LAMA2: variants seen among roughly 807,000 people sequenced by gnomAD.
The protein encoded by LAMA2 is laminin subunit alpha 2, also known as laminin subunit alpha-2.
LAMA2 carries 269 observed loss-of-function variants against 364.8 expected under a neutral mutation model. The ratio of observed to expected loss-of-function variants is 0.74; its 90% CI spans 0.67 to 0.82. The LOEUF (loss-of-function observed/expected upper bound fraction) is 0.82. Among genes scored for constraint, LAMA2 ranks in the 40% least tolerant of loss-of-function variants. The pLI is 0.00. For synonymous variants in LAMA2, 1,379 were observed against 1,370.6 expected, an observed-to-expected ratio of 1.01 and a Z score of -0.14; for missense variants, 3,807 against 3,873.2, an observed-to-expected ratio of 0.98 and a Z score of 0.45.
intron 58 of LAMA2, among the ~76,000 whole-genome samples, chr6:129,500,834 T>G (rs1785574557): frequency 1.3e-5 from 2 of 152,098 alleles, no homozygotes; most frequent in Non-Finnish European, 2.9e-5. Context: ...CCTTGAAAAT[T>G]TTTTAAATTT....
chr6:129,106,873 A>AT (rs200900181), intron 4 of LAMA2, among the ~76,000 whole-genome samples: 11,684 of 132,032 alleles, frequency 0.088, 569 homozygotes, highest in Middle Eastern at 0.16. Context: ...AAAAAAAAAA[A>AT]AAATATATAT....
At chr6:129,225,893 A>G (rs868480537) in intron 12 of LAMA2, among the ~76,000 whole-genome samples, 11 of 151,980 alleles carry the variant, frequency 7.2e-5, no homozygotes, top group Middle Eastern at 3.4e-3. Flanking sequence ...TATCCTTGTT[A>G]CCTTTCTGTC....
At chr6:128,955,217 G>A (rs1781068878) in intron 1 of LAMA2, among the ~76,000 whole-genome samples, 1 of 151,882 alleles carries the variant, frequency 6.6e-6, no homozygotes, top group Non-Finnish European at 1.5e-5. Flanking sequence ...TATGTGGATA[G>A]GGCATTTATT....
intron 41 of LAMA2, among the ~76,000 whole-genome samples, chr6:129,436,130 A>G (rs1036233387): frequency 1.3e-5 from 2 of 152,342 alleles, no homozygotes; most frequent in Non-Finnish European, 2.9e-5. Flanking sequence ...AAACAGAAAT[A>G]TATGCACACA....
intron 12 of LAMA2, among the ~76,000 whole-genome samples, chr6:129,220,857 A>G (rs1363911518): frequency 6.6e-6 from 1 of 152,124 alleles, no homozygotes; most frequent in East Asian, 1.9e-4. Flanking sequence ...AACTATTATT[A>G]CTAAGTATTA....
intron 51 of LAMA2, 139 bp downstream of exon 51, chr6:129,465,428 T>C: frequency 1.3e-6 from 1 of 746,218 alleles, no homozygotes; most frequent in East Asian, 2.7e-5. Context: ...GTCATTTTTT[T>C]GGCTTAGATT....
At position 129,393,312 on chromosome 6, in the gene LAMA2, G is replaced by A. The variant is rs1171349965; in HGVS notation, c.5445+57G>A. ...CAGAAGGTTGGGGACTGCGGGGGCA[G>A]TGTTGAACATGGCTGGACTATTCAA... is the stretch of plus-strand genomic sequence containing the variant. On this transcript the variant is annotated intron_variant, in intron 37 of 64. Transcript: ENST00000421865. 4 of 1,289,666 alleles carry A rather than the reference G, an allele frequency of 3.1e-6. No individual in the cohort carries two copies. In the African/African-American group the frequency reaches 4.4e-5, roughly 14 times the overall value. 79.9% of individuals were successfully genotyped at this position (1,289,666 alleles called of 1,614,324 possible). A position where few individuals can be genotyped will look rare whatever the true frequency, so the allele number is the denominator to read the frequency against.
chr6:128,953,414 C>T (rs1270154256), intron 1 of LAMA2, among the ~76,000 whole-genome samples: 1 of 152,078 alleles, frequency 6.6e-6, no homozygotes, highest in African/African-American at 2.4e-5. Context: ...GGAAGAAAAA[C>T]ATAGTTTGTA....
chr6:129,478,167 C>CTT (rs1784170295), intron 53 of LAMA2, among the ~76,000 whole-genome samples: 1 of 152,064 alleles, frequency 6.6e-6, no homozygotes, highest in South Asian at 2.1e-4. Flanking sequence ...CTTTGTTTTA[C>CTT]TTAAAAGCCT....
At chr6:129,026,183 C>A (rs1785798590) in intron 1 of LAMA2, among the ~76,000 whole-genome samples, 1 of 151,996 alleles carries the variant, frequency 6.6e-6, no homozygotes, top group Admixed American at 6.6e-5. Flanking sequence ...AAATTAAAAT[C>A]ATGATATCAA....
intron 12 of LAMA2, among the ~76,000 whole-genome samples, chr6:129,225,575 C>A (rs1383690167): frequency 6.6e-6 from 1 of 152,118 alleles, no homozygotes; most frequent in Non-Finnish European, 1.5e-5. Flanking sequence ...TTATTCCAGC[C>A]TTCATTTCGT....
At chr6:129,507,361 G>T in intron 61 of LAMA2, 128 bp from the exon 62 acceptor site, 1 of 957,664 alleles carries the variant, frequency 1.0e-6, no homozygotes, top group Non-Finnish European at 1.7e-6. Context: ...AGGCAGCTTT[G>T]GGGGATATCC....
At chr6:129,045,410 GC>G (rs1322784608) in intron 1 of LAMA2, among the ~76,000 whole-genome samples, 1 of 152,086 alleles carries the variant, frequency 6.6e-6, no homozygotes, top group Admixed American at 6.6e-5. Flanking sequence ...TCTACTTTAG[GC>G]CCTGACAAGA....
At chr6:129,077,215 A>C (rs1184865629) in intron 3 of LAMA2, among the ~76,000 whole-genome samples, 3 of 152,168 alleles carry the variant, frequency 2.0e-5, no homozygotes, top group African/African-American at 4.8e-5. Context: ...AATTCATCTC[A>C]AATGATAAGA....
At chr6:129,484,700 CA>C (rs1230917615) in intron 55 of LAMA2, among the ~76,000 whole-genome samples, 1 of 152,060 alleles carries the variant, frequency 6.6e-6, no homozygotes, top group East Asian at 1.9e-4. Flanking sequence ...ATACAAGTAG[CA>C]CTAAACAACA....
intron 40 of LAMA2, among the ~76,000 whole-genome samples, chr6:129,415,583 T>G (rs919555698): frequency 6.6e-6 from 1 of 152,086 alleles, no homozygotes; most frequent in African/African-American, 2.4e-5. Context: ...CAGTGACTCA[T>G]GCCGGTAATC....
intron 1 of LAMA2, among the ~76,000 whole-genome samples, chr6:128,972,223 TA>T (rs915845610): frequency 5.3e-5 from 8 of 151,810 alleles, no homozygotes; most frequent in South Asian, 4.2e-4. Context: ...CCTTATTTTG[TA>T]AAAAAAAATC....
At chr6:129,502,034 G>A (rs1785684678) in intron 58 of LAMA2, among the ~76,000 whole-genome samples, 1 of 152,140 alleles carries the variant, frequency 6.6e-6, no homozygotes, top group African/African-American at 2.4e-5. Context: ...CAGCACCCTA[G>A]GAAGCTGATC....
rs1029666581 is a variant in LAMA2, at chr6:129,198,184, G to A, written c.1782+5331G>A. Among the ~76,000 whole-genome samples, 6 of 151,850 alleles carry A rather than the reference G, an allele frequency of 4.0e-5. No homozygotes were observed. In the South Asian group the frequency reaches 8.3e-4, roughly 21 times the overall value. Reference sequence around the variant, plus strand: ...GGAATTTACTGGTCAGGACAAAGGAGGTAGTGTTTATACAGATTCTGCACA... The same window carrying A: ...GGAATTTACTGGTCAGGACAAAGGAAGTAGTGTTTATACAGATTCTGCACA... On this transcript the variant is annotated intron_variant, in intron 12 of 64. Coordinates refer to ENST00000421865, the MANE Select transcript of LAMA2 (RefSeq NM_000426.4).
Sources: gnomAD v4.1 joint callset for allele counts (sites outside exome capture counted in the v4.1 genomes callset) on GRCh38, gnomAD v4.1.1 for gene constraint, MANE v1.5 for transcripts, NCBI Gene and HGNC (gene_info 2026-07-23, HGNC 2026-07-21) for gene names.